Variants in SYNDIG1 observed in about 807,000 individuals in gnomAD.
SYNDIG1 encodes synapse differentiation-inducing gene protein 1.
Under a neutral mutation model 19.4 loss-of-function variants are expected in SYNDIG1, and 9 were observed. The observed-to-expected ratio is 0.46, with a 90% CI of 0.28 to 0.81. The LOEUF is 0.81. Among genes scored for constraint, SYNDIG1 ranks in the 30% least tolerant of loss-of-function variants. The probability of loss-of-function intolerance (pLI) is 0.12; values close to 1 mark genes in which losing one functional copy is unlikely to be tolerated. For synonymous variants in SYNDIG1, 141 were observed against 145.9 expected, an observed-to-expected ratio of 0.97 and a Z score of 0.24; for missense variants, 311 against 343.3, an observed-to-expected ratio of 0.91 and a Z score of 0.74.
chr20:24,541,989 A>G (rs79667360), intron 1 of SYNDIG1, among the ~76,000 whole-genome samples: 3,857 of 152,280 alleles, frequency 0.025, 173 homozygotes, highest in African/African-American at 0.088. Flanking sequence ...AGGAGTGGGT[A>G]CCAGCAAACG....
rs544470236 is a variant in SYNDIG1 at position 24,529,178 on chromosome 20, T to C, written c.-78-13842T>C. 5.9e-5 allele frequency among the ~76,000 whole-genome samples: 9 copies of C among 152,348 alleles called. No individual in the cohort carries two copies. In the East Asian group the frequency reaches 9.6e-4, roughly 16 times the overall value. On this transcript the variant is annotated intron_variant, in intron 1 of 3. Transcript: ENST00000376862. ...ATTCACAATCTTATCAGTTAAATCT[T>C]TGGTCACATGGGAGCCTCTGCATCT...
At chr20:24,576,967 T>G (rs2058239440) in intron 2 of SYNDIG1, among the ~76,000 whole-genome samples, 1 of 152,222 alleles carries the variant, frequency 6.6e-6, no homozygotes, top group Non-Finnish European at 1.5e-5. Flanking sequence ...GGAGGGGTTT[T>G]GTCAGTTTGT....
chr20:24,492,312 T>A (rs1267470123), intron 1 of SYNDIG1, among the ~76,000 whole-genome samples: 1 of 151,862 alleles, frequency 6.6e-6, no homozygotes. Flanking sequence ...TCAGCGAGAG[T>A]TGCTAAGGGG....
chr20:24,594,315 T>C (rs1276182973), intron 3 of SYNDIG1, among the ~76,000 whole-genome samples: 4 of 152,200 alleles, frequency 2.6e-5, no homozygotes, highest in Non-Finnish European at 5.9e-5. Context: ...TTGCTTGTTT[T>C]GTCGACTTTG....
intron 3 of SYNDIG1, among the ~76,000 whole-genome samples, chr20:24,609,931 A>G (rs2058820409): frequency 1.3e-5 from 2 of 151,960 alleles, no homozygotes; most frequent in Admixed American, 6.6e-5. Context: ...CCTCCTTGCC[A>G]CTTCCCTATG....
At chr20:24,476,407 C>T (rs1692765376) in intron 1 of SYNDIG1, among the ~76,000 whole-genome samples, 2 of 152,080 alleles carry the variant, frequency 1.3e-5, no homozygotes, top group Admixed American at 1.3e-4. Flanking sequence ...GTGGCTTACG[C>T]CTGTAATCCC....
chr20:24,514,073 C>G (rs1323670624), intron 1 of SYNDIG1, among the ~76,000 whole-genome samples: 2 of 152,146 alleles, frequency 1.3e-5, no homozygotes, highest in Non-Finnish European at 2.9e-5. Context: ...GAAGCAAATG[C>G]TGAGAGATTT....
chr20:24,598,155 A>C (rs997757906), intron 3 of SYNDIG1, among the ~76,000 whole-genome samples: 11 of 152,156 alleles, frequency 7.2e-5, no homozygotes, highest in African/African-American at 2.7e-4. Context: ...TGAGCCAAGA[A>C]ATGCGCTGCT....
chr20:24,536,405 C>T (rs558561267), intron 1 of SYNDIG1, among the ~76,000 whole-genome samples: 3 of 152,196 alleles, frequency 2.0e-5, no homozygotes, highest in Non-Finnish European at 4.4e-5. Flanking sequence ...AAGAAAGGCC[C>T]CACTGAATAT....
At chr20:24,516,625 A>G (rs947799227) in intron 1 of SYNDIG1, among the ~76,000 whole-genome samples, 4 of 152,210 alleles carry the variant, frequency 2.6e-5, no homozygotes, top group Non-Finnish European at 5.9e-5. Context: ...GAGATACCAT[A>G]TCACACTAGT....
At chr20:24,514,448 A>G (rs2056818101) in intron 1 of SYNDIG1, among the ~76,000 whole-genome samples, 1 of 152,178 alleles carries the variant, frequency 6.6e-6, no homozygotes, top group African/African-American at 2.4e-5. Context: ...AGCAAATGGA[A>G]AACAAAAAAA....
intron 1 of SYNDIG1, among the ~76,000 whole-genome samples, chr20:24,512,651 G>A (rs1306213524): frequency 6.6e-6 from 1 of 151,998 alleles, no homozygotes; most frequent in Admixed American, 6.6e-5. Context: ...GCTCAAATTG[G>A]GTGGAGCTCA....
At chr20:24,491,929 A>G (rs1276434379) in intron 1 of SYNDIG1, among the ~76,000 whole-genome samples, 1 of 152,224 alleles carries the variant, frequency 6.6e-6, no homozygotes, top group African/African-American at 2.4e-5. Flanking sequence ...AAAGCAAAAC[A>G]AAACAAAAAC....
chr20:24,554,059 CT>C (rs1453813817), intron 2 of SYNDIG1, among the ~76,000 whole-genome samples: 1 of 152,138 alleles, frequency 6.6e-6, no homozygotes, highest in Admixed American at 6.5e-5. Flanking sequence ...GTATTTTATT[CT>C]CTTTGAAGCA....
intron 1 of SYNDIG1, among the ~76,000 whole-genome samples, chr20:24,484,219 C>T (rs922597397): frequency 7.9e-5 from 12 of 152,034 alleles, no homozygotes; most frequent in South Asian, 4.2e-4. Flanking sequence ...GTCGGCTGGG[C>T]GTGTTCAGCC....
intron 3 of SYNDIG1, among the ~76,000 whole-genome samples, chr20:24,656,971 G>A (rs1007324905): frequency 1.3e-5 from 2 of 152,164 alleles, no homozygotes; most frequent in African/African-American, 4.8e-5. Flanking sequence ...GTAAAAGTGT[G>A]TGGCCCCTCC....
intron 2 of SYNDIG1, among the ~76,000 whole-genome samples, chr20:24,580,632 C>T (rs2058306972): frequency 6.6e-6 from 1 of 152,154 alleles, no homozygotes; most frequent in African/African-American, 2.4e-5. Flanking sequence ...GGGTCTCGAA[C>T]TCCTGACCTC....
intron 3 of SYNDIG1, among the ~76,000 whole-genome samples, chr20:24,629,300 G>C (rs34414983): frequency 0.17 from 25,532 of 152,130 alleles, 2,665 homozygotes; most frequent in East Asian, 0.46. Flanking sequence ...TCTCAGATGG[G>C]TCTTGCTGCT....
chr20:24,612,662 C>T (rs955698518), intron 3 of SYNDIG1, among the ~76,000 whole-genome samples: 4 of 152,200 alleles, frequency 2.6e-5, no homozygotes, highest in African/African-American at 9.7e-5. Flanking sequence ...CAGAAATATT[C>T]CCCCTCAGTC....
Sources: gnomAD v4.1 joint callset for allele counts (sites outside exome capture counted in the v4.1 genomes callset) on GRCh38, gnomAD v4.1.1 for gene constraint, MANE v1.5 for transcripts, NCBI Gene and HGNC (gene_info 2026-07-23, HGNC 2026-07-21) for gene names.